Variants in VWC2L observed in about 807,000 individuals in gnomAD.
The protein encoded by VWC2L is von Willebrand factor C domain-containing protein 2-like.
A neutral mutation model predicts 21.6 loss-of-function variants in VWC2L; 10 were observed. The ratio of observed to expected loss-of-function variants is 0.46; its 90% confidence interval spans 0.29 to 0.78. The LOEUF (loss-of-function observed/expected upper bound fraction) is 0.78. Ranked by LOEUF, VWC2L falls within the 30% of genes least tolerant of loss-of-function variation. VWC2L has a pLI of 0.10. For synonymous variants in VWC2L, 96 were observed against 94.3 expected (o/e 1.02, Z -0.10); for missense variants, 209 against 277.1 (o/e 0.75, Z 1.74).
chr2:214,451,541 G>C (rs950288838), intron 3 of VWC2L, among the ~76,000 whole-genome samples: 1 of 152,102 alleles, frequency 6.6e-6, no homozygotes, highest in African/African-American at 2.4e-5. Flanking sequence ...GAGATACCAG[G>C]GAGATAGTAT....
intron 3 of VWC2L, chr2:214,473,772 GA>G (rs1703343481): frequency 1.3e-5 from 1 of 78,394 alleles, no homozygotes; most frequent in Non-Finnish European, 3.0e-5. Flanking sequence ...GCAACTTCCT[GA>G]TTTAAAAAAA....
At chr2:214,503,264 C>G (rs1043327297) in intron 3 of VWC2L, among the ~76,000 whole-genome samples, 1 of 152,112 alleles carries the variant, frequency 6.6e-6, no homozygotes, top group Non-Finnish European at 1.5e-5. Flanking sequence ...GTCCTCGATT[C>G]ATTCTGGGCT....
chr2:214,556,394 C>G (rs147342991), intron 3 of VWC2L, among the ~76,000 whole-genome samples: 1 of 152,162 alleles, frequency 6.6e-6, no homozygotes, highest in Non-Finnish European at 1.5e-5. Context: ...AAATTTACAG[C>G]CTTAAAACAA....
rs192030316 is a variant in VWC2L, at chr2:214,501,393, C to A, written c.520+64635C>A. On this transcript the variant is annotated intron_variant, in intron 3 of 3. Transcript: ENST00000312504. The stretch of plus-strand genomic sequence containing the variant: ...ATGCCTCCCCGAATCCATACCCTTA[C>A]GTGTACCTGCCCACTCCCACCTTAA... 6.6e-4 allele frequency among the ~76,000 whole-genome samples: 101 copies of A among 152,174 alleles called. 2 individuals are homozygous for A. The highest frequency in any genetic ancestry group is 3.4e-3 in the Middle Eastern group (1 of 294).
intron 3 of VWC2L, among the ~76,000 whole-genome samples, chr2:214,446,983 A>G (rs1035660537): frequency 6.6e-6 from 1 of 152,116 alleles, no homozygotes; most frequent in Admixed American, 6.6e-5. Flanking sequence ...TTCCTGTCTC[A>G]TTCTTGAACC....
chr2:214,522,374 CAAAAAAAA>C (rs5838440), intron 3 of VWC2L, among the ~76,000 whole-genome samples: 1 of 102,972 alleles, frequency 9.7e-6, no homozygotes, highest in Non-Finnish European at 1.8e-5. Flanking sequence ...GACCCCGTCT[CAAAAAAAA>C]AAAAAAAAAA....
chr2:214,517,979 A>T lies in VWC2L; in HGVS notation c.521-57693A>T, dbSNP rs947321488. On this transcript the variant is annotated intron_variant, in intron 3 of 3. Coordinates refer to ENST00000312504, the MANE Select transcript of VWC2L (RefSeq NM_001080500.4). ...CAGGAGATCGAGACCATCCTGGCTAACACAGTGAAACCCCGTCTCTACTAA... is the reference window on the plus strand; with the variant it reads ...CAGGAGATCGAGACCATCCTGGCTATCACAGTGAAACCCCGTCTCTACTAA... Among the ~76,000 whole-genome samples the T allele has an allele frequency of 2.0e-5, 3 of 152,318 alleles. No homozygotes were observed. In the East Asian group the frequency reaches 5.8e-4, roughly 29 times the overall value.
At chr2:214,458,117 A>G (rs977967582) in intron 3 of VWC2L, among the ~76,000 whole-genome samples, 5 of 152,060 alleles carry the variant, frequency 3.3e-5, no homozygotes, top group African/African-American at 1.2e-4. Flanking sequence ...AACTGATTCT[A>G]TCTCATCACT....
rs184029352 is a variant in VWC2L, at chr2:214,464,695, T to G, written c.520+27937T>G. On this transcript the variant is annotated intron_variant, in intron 3 of 3. Transcript: ENST00000312504. ...GGCTCTTCAGTTGGCAGGTGACTAA[T>G]TCATCCAGGCTTGTATCTTACACTT... Among the ~76,000 whole-genome samples the G allele has an allele frequency of 1.1e-3, 174 of 152,270 alleles. 1 individual carries two copies. The highest frequency in any genetic ancestry group is 3.9e-3 in the African/African-American group (163 of 41,562).
At chr2:214,484,515 G>A (rs1688649619) in intron 3 of VWC2L, among the ~76,000 whole-genome samples, 1 of 152,096 alleles carries the variant, frequency 6.6e-6, no homozygotes, top group East Asian at 1.9e-4. Flanking sequence ...TATGAACAAT[G>A]GCATACACTT....
At chr2:214,562,345 A>G (rs1428430509) in intron 3 of VWC2L, among the ~76,000 whole-genome samples, 1 of 152,226 alleles carries the variant, frequency 6.6e-6, no homozygotes, top group East Asian at 1.9e-4. Context: ...ATGGCTGCAT[A>G]GTATTCCATT....
chr2:214,521,848 AG>A (rs1689245905), intron 3 of VWC2L, among the ~76,000 whole-genome samples: 1 of 152,264 alleles, frequency 6.6e-6, no homozygotes, highest in Non-Finnish European at 1.5e-5. Flanking sequence ...TGAGCAAAAA[AG>A]TAGCGACATT....
intron 3 of VWC2L, among the ~76,000 whole-genome samples, chr2:214,456,442 T>G (rs1446411566): frequency 6.6e-6 from 1 of 152,116 alleles, no homozygotes; most frequent in Non-Finnish European, 1.5e-5. Context: ...TTTTTGCTGT[T>G]GAGTCCCTTG....
intron 3 of VWC2L, among the ~76,000 whole-genome samples, chr2:214,570,457 G>A (rs1468789979): frequency 6.6e-6 from 1 of 152,080 alleles, no homozygotes. Flanking sequence ...TCAACTTCCT[G>A]GGCTCAAGAG....
chr2:214,484,068 A>T (rs1307154020), intron 3 of VWC2L, among the ~76,000 whole-genome samples: 1 of 152,090 alleles, frequency 6.6e-6, no homozygotes, highest in Non-Finnish European at 1.5e-5. Flanking sequence ...CTTGGCTTGC[A>T]TCACTCCAAT....
In VWC2L at chr2:214,511,884, CTT is replaced by C. The variant is rs1383268434; in HGVS notation, c.521-63786_521-63785del. Among the ~76,000 whole-genome samples the C allele has an allele frequency of 1.9e-4, 25 of 132,738 alleles. No homozygotes were observed. In the South Asian group the frequency reaches 3.1e-3, roughly 17 times the overall value. 87.1% of individuals were successfully genotyped at this position (132,738 alleles called of 152,430 possible). On this transcript the variant is annotated intron_variant, in intron 3 of 3. Transcript: ENST00000312504. ...TCTATATATATACTTTATATATATA[CTT>C]TATATAGATATACTTTACTTTATAT...
chr2:214,506,993 T>C (rs560383011), intron 3 of VWC2L, among the ~76,000 whole-genome samples: 3 of 151,988 alleles, frequency 2.0e-5, no homozygotes, highest in African/African-American at 7.2e-5. Context: ...AAATGTTCTA[T>C]GGAAAAAAAT....
chr2:214,550,809 G>A (rs192896114), intron 3 of VWC2L, among the ~76,000 whole-genome samples: 22 of 152,212 alleles, frequency 1.4e-4, no homozygotes, highest in Admixed American at 1.2e-3. Context: ...TGAACAGAGC[G>A]CACGTTCAGA....
At chr2:214,495,553 C>G (rs914365657) in intron 3 of VWC2L, among the ~76,000 whole-genome samples, 1 of 152,102 alleles carries the variant, frequency 6.6e-6, no homozygotes, top group Non-Finnish European at 1.5e-5. Flanking sequence ...CTTCACTGCC[C>G]CACTAGTTTG....
Sources: allele counts gnomAD v4.1 joint callset (sites outside exome capture counted in the v4.1 genomes callset), GRCh38; gene constraint gnomAD v4.1.1; transcripts MANE v1.5; gene names NCBI Gene and HGNC (gene_info 2026-07-23, HGNC 2026-07-21).